ABCA13: variants seen among roughly 807,000 people sequenced by gnomAD.
The protein encoded by ABCA13 is ATP-binding cassette sub-family A member 13.
Under a neutral mutation model 478.7 loss-of-function variants are expected in ABCA13, and 476 were observed. The ratio of observed to expected loss-of-function variants is 0.99; its 90% CI spans 0.92 to 1.07. The LOEUF (loss-of-function observed/expected upper bound fraction) is 1.07. ABCA13 is among the 50% of genes least tolerant of loss of function. The probability of loss-of-function intolerance (pLI) is 0.00; values close to 1 mark genes in which losing one functional copy is unlikely to be tolerated. For missense variants in ABCA13, 6,060 were observed against 5,910.6 expected (o/e 1.03, Z -0.83); for synonymous variants, 2,252 against 2,158.9 (o/e 1.04, Z -1.20).
At chr7:48,527,268 A>G (rs967937877) in intron 54 of ABCA13, among the ~76,000 whole-genome samples, 3 of 152,086 alleles carry the variant, frequency 2.0e-5, no homozygotes, top group Non-Finnish European at 4.4e-5. Flanking sequence ...AAGCGGGGAA[A>G]ACATGGTAAT....
rs565307926 is a variant in ABCA13 at position 48,198,316 on chromosome 7, G to C, written c.243G>C (p.Arg81Ser). ...GCCTTCTTTGTAACACTGGATCAAGGTGTAGGAACTTCAGCTATGAAGGGT... is the reference window on the plus strand; with the variant it reads ...GCCTTCTTTGTAACACTGGATCAAGCTGTAGGAACTTCAGCTATGAAGGGT... ...VQSLLCNTGS[R>S]CRNFSYEGSM... The change falls in exon 3 of 62, where the codon AGG becomes AGC. Residue 81 changes from arginine (R) to serine (S), a missense_variant. This residue lies in a region of ABCA13 where 4,423 missense variants were observed against 4,309.1 expected (regional missense o/e 1.03). Transcript: ENST00000435803. The C allele has an allele frequency of 6.2e-7, 1 of 1,613,752 alleles. No homozygotes were observed. The highest frequency in any genetic ancestry group is 8.5e-7 in the Non-Finnish European group (1 of 1,179,810).
chr7:48,211,258 G>A (rs1328786483), intron 3 of ABCA13, among the ~76,000 whole-genome samples: 2 of 152,182 alleles, frequency 1.3e-5, no homozygotes, highest in African/African-American at 4.8e-5. Context: ...TTCTTGAGAG[G>A]ACTTTCCAAG....
intron 59 of ABCA13, among the ~76,000 whole-genome samples, chr7:48,616,303 A>G (rs1282099968): frequency 1.3e-5 from 2 of 152,136 alleles, no homozygotes; most frequent in Non-Finnish European, 2.9e-5. Flanking sequence ...TCAGCCTCAC[A>G]GTTGCTTGCT....
chr7:48,308,674 T>A (rs536754800), intron 23 of ABCA13, among the ~76,000 whole-genome samples: 1 of 152,194 alleles, frequency 6.6e-6, no homozygotes, highest in South Asian at 2.1e-4. Flanking sequence ...ATGTGGTTTG[T>A]CATCATGTAC....
At chr7:48,416,813 GA>G (rs1241103313) in intron 41 of ABCA13, among the ~76,000 whole-genome samples, 3 of 151,978 alleles carry the variant, frequency 2.0e-5, no homozygotes, top group Non-Finnish European at 4.4e-5. Context: ...TTCTCCTTCT[GA>G]TGTCTGCCCC....
At chr7:48,644,894 A>G in intron 61 of ABCA13, 140 bp downstream of exon 61, 1 of 959,128 alleles carries the variant, frequency 1.0e-6, no homozygotes. Context: ...AAATTATGAT[A>G]AGGATGGTGA....
intron 57 of ABCA13, among the ~76,000 whole-genome samples, chr7:48,592,416 C>T (rs1006132825): frequency 1.3e-5 from 2 of 151,892 alleles, no homozygotes; most frequent in East Asian, 3.9e-4. Context: ...TTTCTAGTAT[C>T]ATACCATGGT....
intron 39 of ABCA13, among the ~76,000 whole-genome samples, chr7:48,404,879 A>G (rs981786722): frequency 6.6e-6 from 1 of 152,244 alleles, no homozygotes. Context: ...TGTTGGAATT[A>G]TGGAAGGAGA....
At chr7:48,480,321 T>C (rs553765330) in intron 45 of ABCA13, among the ~76,000 whole-genome samples, 6 of 152,344 alleles carry the variant, frequency 3.9e-5, no homozygotes, top group Admixed American at 1.3e-4. Flanking sequence ...GCAACACTCA[T>C]TGTTTCAGTG....
At chr7:48,386,288 TATC>T (rs1231520504) in intron 35 of ABCA13, among the ~76,000 whole-genome samples, 2 of 152,172 alleles carry the variant, frequency 1.3e-5, no homozygotes, top group Non-Finnish European at 2.9e-5. Context: ...GAAGAATCAA[TATC>T]ATTAAAATAG....
intron 55 of ABCA13, among the ~76,000 whole-genome samples, chr7:48,536,846 A>G (rs191922742): frequency 2.4e-4 from 36 of 151,966 alleles, no homozygotes; most frequent in African/African-American, 8.7e-4. Context: ...TAGATTTTAT[A>G]TTTATTATTC....
chr7:48,462,964 T>C (rs1826428677), intron 43 of ABCA13, among the ~76,000 whole-genome samples: 1 of 152,200 alleles, frequency 6.6e-6, no homozygotes, highest in Non-Finnish European at 1.5e-5. Flanking sequence ...TTCCTTTTTG[T>C]CCTCCTTCTG....
intron 55 of ABCA13, among the ~76,000 whole-genome samples, chr7:48,533,910 GAAGACAGCA>G (rs1833402753): frequency 6.6e-6 from 1 of 152,070 alleles, no homozygotes; most frequent in Non-Finnish European, 1.5e-5. Flanking sequence ...TGAGTCTCCT[GAAGACAGCA>G]GAAATTTGGT....
intron 55 of ABCA13, among the ~76,000 whole-genome samples, chr7:48,545,735 T>C (rs1784760815): frequency 6.7e-6 from 1 of 149,082 alleles, no homozygotes; most frequent in African/African-American, 2.5e-5. Flanking sequence ...TACCATGATA[T>C]GAGAGAGAAT....
At chr7:48,583,275 A>C (rs573596362) in intron 56 of ABCA13, among the ~76,000 whole-genome samples, 1 of 152,338 alleles carries the variant, frequency 6.6e-6, no homozygotes, top group East Asian at 1.9e-4. Flanking sequence ...AGGAGCTAGA[A>C]TTTATAAGAT....
At chr7:48,421,413 T>G (rs1820722711) in intron 41 of ABCA13, among the ~76,000 whole-genome samples, 1 of 152,218 alleles carries the variant, frequency 6.6e-6, no homozygotes, top group African/African-American at 2.4e-5. Context: ...ATTGACCTAT[T>G]TATATAAGGA....
chr7:48,624,197 C>T (rs1462916702), intron 59 of ABCA13, among the ~76,000 whole-genome samples: 1 of 151,930 alleles, frequency 6.6e-6, no homozygotes, highest in African/African-American at 2.4e-5. Flanking sequence ...TGTTTTGTCC[C>T]AGGCAATTAG....
rs551572674 is a variant in ABCA13, at chr7:48,435,625, T to G, written c.12565+7754T>G. Reference sequence around the variant, plus strand: ...AGAGGAAACATTTTTAGTCTTTCAATATTGAGTACAATATTGGGTGTGGGT... The same window carrying G: ...AGAGGAAACATTTTTAGTCTTTCAAGATTGAGTACAATATTGGGTGTGGGT... On this transcript the variant is annotated intron_variant, in intron 42 of 61. Transcript: ENST00000435803. Among the ~76,000 whole-genome samples, 11 of 151,910 alleles carry G rather than the reference T, an allele frequency of 7.2e-5. No homozygotes were observed. In the South Asian group the frequency reaches 2.1e-3, roughly 29 times the overall value.
chr7:48,520,322 C>T, intron 53 of ABCA13, 28 bp downstream of exon 53: 2 of 1,563,402 alleles, frequency 1.3e-6, no homozygotes, highest in South Asian at 2.4e-5. Flanking sequence ...CATCCTCGAG[C>T]TGCACTTACT....
Sources: gnomAD v4.1 joint callset for allele counts (sites outside exome capture counted in the v4.1 genomes callset) on GRCh38, gnomAD v4.1.1 for gene constraint, gnomAD v4.1.1 regional missense constraint, MANE v1.5 for transcripts, NCBI Gene and HGNC (gene_info 2026-07-23, HGNC 2026-07-21) for gene names.